The following FGD6 variants were observed in gnomAD, a reference collection of about 807,000 sequenced individuals.
The protein encoded by FGD6 is FYVE, RhoGEF and PH domain-containing protein 6.
FGD6 carries 90 observed loss-of-function variants against 149.4 expected under a neutral mutation model. The ratio of observed to expected loss-of-function variants is 0.60; its 90% CI spans 0.51 to 0.72. The LOEUF (loss-of-function observed/expected upper bound fraction) is 0.72. FGD6 is among the 30% of genes least tolerant of loss of function. The probability of loss-of-function intolerance (pLI) is 0.00; values close to 1 mark genes in which losing one functional copy is unlikely to be tolerated. For missense variants in FGD6, 1,437 were observed against 1,684.8 expected (o/e 0.85, Z 2.57); for synonymous variants, 527 against 584.0 (o/e 0.90, Z 1.41).
At chr12:95,166,851 CTACT>C (rs997765161) in intron 3 of FGD6, among the ~76,000 whole-genome samples, 13 of 134,634 alleles carry the variant, frequency 9.7e-5, no homozygotes, top group Non-Finnish European at 1.7e-4. Flanking sequence ...TGGGTTCTTT[CTACT>C]TTTTTTTTTT....
At chr12:95,085,154 C>T (rs1027955158) in intron 19 of FGD6, among the ~76,000 whole-genome samples, 16 of 150,822 alleles carry the variant, frequency 1.1e-4, no homozygotes, top group East Asian at 5.8e-4. Flanking sequence ...TGCAATCTAA[C>T]GATGACAGTA....
chr12:95,117,417 C>T (rs1010568762), intron 8 of FGD6, among the ~76,000 whole-genome samples: 2 of 150,528 alleles, frequency 1.3e-5, no homozygotes, highest in African/African-American at 5.0e-5. Flanking sequence ...GATATGCAAG[C>T]TGCCTTTTTT....
In FGD6 at chr12:95,149,380, TTA is replaced by T. The variant is rs1285515314; in HGVS notation, c.2685+3429_2685+3430del. Among the ~76,000 whole-genome samples the T allele has an allele frequency of 4.5e-4, 42 of 94,070 alleles. No individual in the cohort carries two copies. In the East Asian group the frequency reaches 6.5e-3, roughly 15 times the overall value. The allele number at this position is 94,070 out of a possible 152,430, so 61.7% of individuals were successfully genotyped here. ...TATTATATTATATATAGCACATATT[TTA>T]TATATATAGCATATATTACATAATA... On this transcript the variant is annotated intron_variant, in intron 5 of 20. Transcript: ENST00000343958.
chr12:95,082,654 C>CAAA lies in FGD6; in HGVS notation c.4257-1101_4257-1099dup, dbSNP rs71075900. ...CCTGGGCAACAGAGCGAGACTGTCT[C>CAAA]AAAAAAAAAAAAAAAAAAAGAGCTT... On this transcript the variant is annotated intron_variant, in intron 20 of 20. Coordinates refer to ENST00000343958, the MANE Select transcript of FGD6 (RefSeq NM_018351.4). 4.7e-3 allele frequency among the ~76,000 whole-genome samples: 321 copies of CAAA among 67,696 alleles called. 7 individuals are homozygous for CAAA. The highest frequency in any genetic ancestry group is 0.011 in the African/African-American group (166 of 15,616). 44.4% of individuals were successfully genotyped at this position (67,696 alleles called of 152,430 possible).
At chr12:95,169,118 T>C (rs1305009716) in intron 3 of FGD6, among the ~76,000 whole-genome samples, 1 of 152,160 alleles carries the variant, frequency 6.6e-6, no homozygotes, top group Admixed American at 6.5e-5. Flanking sequence ...AGGTAAAAAA[T>C]GTTCAATGTC....
At chr12:95,109,549 T>G (rs1261333936) in intron 9 of FGD6, among the ~76,000 whole-genome samples, 2 of 138,580 alleles carry the variant, frequency 1.4e-5, no homozygotes, top group East Asian at 2.1e-4. Flanking sequence ...GTGACAGTGG[T>G]CATCAAAAAA....
intron 8 of FGD6, among the ~76,000 whole-genome samples, chr12:95,134,530 C>T (rs888498184): frequency 1.3e-5 from 2 of 152,086 alleles, no homozygotes; most frequent in African/African-American, 4.8e-5. Flanking sequence ...GGTGAAAATG[C>T]ACACATGGAT....
intron 6 of FGD6, among the ~76,000 whole-genome samples, chr12:95,140,100 T>C (rs1879800975): frequency 6.6e-6 from 1 of 152,230 alleles, no homozygotes; most frequent in Non-Finnish European, 1.5e-5. Context: ...TTCTGGTTTA[T>C]ATATAAAGAA....
chr12:95,175,019 T>G (rs765575277), intron 2 of FGD6, among the ~76,000 whole-genome samples: 24 of 151,956 alleles, frequency 1.6e-4, no homozygotes, highest in Non-Finnish European at 2.4e-4. Context: ...TGGAAGGCTA[T>G]TATTAAGAAT....
chr12:95,094,652 C>T lies in FGD6; in HGVS notation c.3540G>A (p.Arg1180=). The change falls in exon 15 of 21, where the codon AGG becomes AGA. Residue 1180 remains arginine (R), a synonymous_variant. Coordinates refer to ENST00000343958, the MANE Select transcript of FGD6 (RefSeq NM_018351.4). ...TTTTCTTGGCATACTCTTCTATTGC[C>T]CTGGAAATCGCTTCTAGCCATTCAT... ...ERDEWLEAIS[R]AIEEYAKKRI... 1 of 1,613,752 alleles carries T rather than the reference C, an allele frequency of 6.2e-7. No homozygotes were observed. Among genetic ancestry groups the T allele is most frequent in the Non-Finnish European group, 8.5e-7 (1 of 1,179,946 alleles).
intron 2 of FGD6, among the ~76,000 whole-genome samples, chr12:95,184,246 G>A (rs1048320681): frequency 6.6e-6 from 1 of 152,102 alleles, no homozygotes; most frequent in Non-Finnish European, 1.5e-5. Context: ...TTTCCAATAG[G>A]AACTACAATC....
At chr12:95,173,700 A>G (rs534265158) in intron 2 of FGD6, among the ~76,000 whole-genome samples, 1 of 152,116 alleles carries the variant, frequency 6.6e-6, no homozygotes, top group Non-Finnish European at 1.5e-5. Flanking sequence ...GTAAGTCTAC[A>G]AGAATATCTG....
chr12:95,202,657 G>A (rs559230292), intron 2 of FGD6, among the ~76,000 whole-genome samples: 4 of 152,110 alleles, frequency 2.6e-5, no homozygotes, highest in Non-Finnish European at 5.9e-5. Flanking sequence ...GCCTCCCAAA[G>A]TGCTGAGATT....
chr12:95,125,204 G>A (rs1337571875), intron 8 of FGD6, among the ~76,000 whole-genome samples: 1 of 152,142 alleles, frequency 6.6e-6, no homozygotes, highest in South Asian at 2.1e-4. Flanking sequence ...GAGAAACTAA[G>A]ATTACATTTA....
chr12:95,171,042 T>A (rs1420217552), intron 3 of FGD6, among the ~76,000 whole-genome samples: 1 of 152,214 alleles, frequency 6.6e-6, no homozygotes, highest in Admixed American at 6.5e-5. Flanking sequence ...TATGTGCCGA[T>A]CAATATTCTA....
chr12:95,196,707 T>G (rs932837653), intron 2 of FGD6, among the ~76,000 whole-genome samples: 46 of 151,780 alleles, frequency 3.0e-4, no homozygotes, highest in Admixed American at 1.2e-3. Flanking sequence ...TGGTGCAATC[T>G]CAGCTCACTG....
intron 5 of FGD6, among the ~76,000 whole-genome samples, chr12:95,143,359 TC>T (rs1363875963): frequency 6.6e-6 from 1 of 151,884 alleles, no homozygotes; most frequent in Non-Finnish European, 1.5e-5. Flanking sequence ...ATGAAAGGAT[TC>T]TTTTTCTAAA....
intron 5 of FGD6, among the ~76,000 whole-genome samples, chr12:95,152,516 T>A (rs1332308043): frequency 6.6e-6 from 1 of 152,308 alleles, no homozygotes; most frequent in South Asian, 2.1e-4. Flanking sequence ...TTTTGGACAA[T>A]GATAATGATG....
intron 2 of FGD6, among the ~76,000 whole-genome samples, chr12:95,188,804 T>A (rs191046229): frequency 0.017 from 2,559 of 152,004 alleles, 35 homozygotes; most frequent in South Asian, 0.043. Context: ...AAAACAACTT[T>A]TTTTTTTTTT....
Sources: gnomAD v4.1 joint callset for allele counts (sites outside exome capture counted in the v4.1 genomes callset) on GRCh38, gnomAD v4.1.1 for gene constraint, MANE v1.5 for transcripts, NCBI Gene and HGNC (gene_info 2026-07-23, HGNC 2026-07-21) for gene names.